The following HCN1 variants were observed in gnomAD, a reference collection of about 807,000 sequenced individuals.
HCN1 encodes the protein hyperpolarization activated cyclic nucleotide gated potassium channel 1.
A neutral mutation model predicts 78.9 loss-of-function variants in HCN1; 13 were observed. The observed-to-expected ratio is 0.16, with a 90% CI of 0.11 to 0.26. The LOEUF (loss-of-function observed/expected upper bound fraction) is 0.26, where lower values mean the gene tolerates loss of function less well. HCN1 is among the 10% of genes least tolerant of loss of function. HCN1 has a pLI of 1.00. For missense variants in HCN1, 810 were observed against 1,154.3 expected (o/e 0.70, Z 4.32); for synonymous variants, 552 against 455.5 (o/e 1.21, Z -2.70).
chr5:45,324,689 G>T (rs1029027264), intron 5 of HCN1, among the ~76,000 whole-genome samples: 8 of 151,758 alleles, frequency 5.3e-5, no homozygotes, highest in African/African-American at 1.7e-4. Flanking sequence ...AATAAGATTT[G>T]AATGCTAAGA....
chr5:45,462,773 T>C (rs571294558), intron 2 of HCN1, among the ~76,000 whole-genome samples: 15 of 152,164 alleles, frequency 9.9e-5, no homozygotes, highest in African/African-American at 3.6e-4. Flanking sequence ...CATCAAAATT[T>C]TATAAATGGA....
Position 45,281,579 on chromosome 5 carries a change from CTTTTTTTTTTTTTT to C in HCN1, c.1619-14340_1619-14327del, listed in dbSNP as rs751307473. On this transcript the variant is annotated intron_variant, in intron 6 of 7. Transcript: ENST00000303230. ...AAAAATATACAAGAGCTCTTCTCTT[CTTTTTTTTTTTTTT>C]TTTTTTTTTTTTTGAGACGGAGTCT... 3.7e-5 allele frequency among the ~76,000 whole-genome samples: 3 copies of C among 81,664 alleles called. No homozygotes were observed. In the East Asian group the frequency reaches 9.8e-4, roughly 27 times the overall value. The allele number at this position is 81,664 out of a possible 152,430, so 53.6% of individuals were successfully genotyped here. A position where few individuals can be genotyped will look rare whatever the true frequency, so the allele number is the denominator to read the frequency against.
intron 2 of HCN1, among the ~76,000 whole-genome samples, chr5:45,518,961 G>A (rs1308411340): frequency 6.6e-6 from 1 of 151,496 alleles, no homozygotes; most frequent in Non-Finnish European, 1.5e-5. Flanking sequence ...TATAAAATGT[G>A]CATATATATA....
chr5:45,684,701 A>G (rs1739769815), intron 1 of HCN1, among the ~76,000 whole-genome samples: 1 of 152,128 alleles, frequency 6.6e-6, no homozygotes, highest in African/African-American at 2.4e-5. Context: ...TCTCTACTGA[A>G]AATACAAAAA....
At chr5:45,442,687 A>C (rs912315371) in intron 3 of HCN1, among the ~76,000 whole-genome samples, 2 of 151,150 alleles carry the variant, frequency 1.3e-5, no homozygotes, top group African/African-American at 4.8e-5. Context: ...TTAGGCATAC[A>C]TTTCCACATG....
At chr5:45,680,866 A>T (rs34423213) in intron 1 of HCN1, among the ~76,000 whole-genome samples, 32,031 of 152,006 alleles carry the variant, frequency 0.21, 3,872 homozygotes, top group East Asian at 0.32. Context: ...ATGAACTCAA[A>T]TTTAAACATC....
intron 1 of HCN1, among the ~76,000 whole-genome samples, chr5:45,671,329 A>G (rs1276048684): frequency 6.6e-6 from 1 of 151,336 alleles, no homozygotes; most frequent in Non-Finnish European, 1.5e-5. Flanking sequence ...TATTAACCCT[A>G]ATGTTTATTA....
intron 2 of HCN1, among the ~76,000 whole-genome samples, chr5:45,586,114 C>T (rs898092084): frequency 2.6e-5 from 4 of 152,146 alleles, no homozygotes; most frequent in Non-Finnish European, 5.9e-5. Context: ...TATGCTCTGC[C>T]CCCAGAGGTG....
intron 4 of HCN1, among the ~76,000 whole-genome samples, chr5:45,360,202 G>A (rs1164121830): frequency 6.6e-6 from 1 of 151,256 alleles, no homozygotes; most frequent in Non-Finnish European, 1.5e-5. Context: ...TTTCTGAAGA[G>A]GTATTTTTCT....
chr5:45,396,846 A>G, intron 3 of HCN1, 136 bp from the exon 4 acceptor site: 1 of 724,112 alleles, frequency 1.4e-6, no homozygotes, highest in Non-Finnish European at 2.5e-6. Context: ...TTACAAATGT[A>G]CTTCTCACTA....
chr5:45,390,656 A>G (rs779297738), intron 4 of HCN1, among the ~76,000 whole-genome samples: 2 of 152,162 alleles, frequency 1.3e-5, no homozygotes, highest in Non-Finnish European at 2.9e-5. Flanking sequence ...TCACTGGGGA[A>G]AAGGGATGCC....
intron 2 of HCN1, among the ~76,000 whole-genome samples, chr5:45,465,523 G>A (rs894600366): frequency 4.6e-5 from 7 of 152,094 alleles, no homozygotes; most frequent in South Asian, 2.1e-4. Context: ...GTGGGAGGCC[G>A]AGGTGGGTGG....
intron 3 of HCN1, among the ~76,000 whole-genome samples, chr5:45,428,402 T>C (rs755508288): frequency 3.3e-5 from 5 of 152,002 alleles, no homozygotes; most frequent in African/African-American, 4.8e-5. Flanking sequence ...TCCCTTCTTC[T>C]TTATCATTAA....
chr5:45,293,178 C>T (rs146764235), intron 6 of HCN1, among the ~76,000 whole-genome samples: 1 of 152,014 alleles, frequency 6.6e-6, no homozygotes, highest in Non-Finnish European at 1.5e-5. Context: ...ACAACACTGT[C>T]TTCCACAGTG....
chr5:45,387,269 G>A (rs1055138562), intron 4 of HCN1, among the ~76,000 whole-genome samples: 1 of 151,928 alleles, frequency 6.6e-6, no homozygotes, highest in Non-Finnish European at 1.5e-5. Context: ...ACTTCAGAAA[G>A]TAAACTATAA....
chr5:45,285,612 G>A (rs1327960285), intron 6 of HCN1, among the ~76,000 whole-genome samples: 1 of 151,854 alleles, frequency 6.6e-6, no homozygotes, highest in Non-Finnish European at 1.5e-5. Context: ...CATGGTCCCT[G>A]AGAAAAATTT....
intron 4 of HCN1, among the ~76,000 whole-genome samples, chr5:45,366,452 G>A (rs1747239707): frequency 6.6e-6 from 1 of 151,666 alleles, no homozygotes; most frequent in African/African-American, 2.4e-5. Flanking sequence ...GTTAAAAACA[G>A]TAATAGCTTA....
In HCN1 at chr5:45,433,858, A is replaced by G. The variant is rs116566248; in HGVS notation, c.1011+27988T>C. On this transcript the variant is annotated intron_variant, in intron 3 of 7. Coordinates refer to ENST00000303230, the MANE Select transcript of HCN1 (RefSeq NM_021072.4). ...ACTTAGCACATGCCTAATGTATAGT[A>G]GGTGCTCAATCAATATCTGTTGAAT... is the stretch of plus-strand genomic sequence containing the variant. Among the ~76,000 whole-genome samples the G allele has an allele frequency of 3.1e-3, 479 of 152,354 alleles. 1 individual carries two copies. The highest frequency in any genetic ancestry group is 0.011 in the African/African-American group (461 of 41,584).
intron 2 of HCN1, among the ~76,000 whole-genome samples, chr5:45,584,238 G>C (rs1454149286): frequency 6.6e-6 from 1 of 152,084 alleles, no homozygotes; most frequent in Non-Finnish European, 1.5e-5. Context: ...ATATATTTAG[G>C]ATAGTTAGCT....
Sources: gnomAD v4.1 joint callset for allele counts (sites outside exome capture counted in the v4.1 genomes callset) on GRCh38, gnomAD v4.1.1 for gene constraint, MANE v1.5 for transcripts, NCBI Gene and HGNC (gene_info 2026-07-23, HGNC 2026-07-21) for gene names.